TCF7L1: variants seen among roughly 807,000 people sequenced by gnomAD.
TCF7L1 encodes transcription factor 7-like 1.
TCF7L1 carries 18 observed loss-of-function variants against 63.7 expected under a neutral mutation model. The observed-to-expected ratio is 0.28, with a 90% CI of 0.20 to 0.42. The LOEUF (loss-of-function observed/expected upper bound fraction) is 0.42, where lower values mean the gene tolerates loss of function less well. Among genes scored for constraint, TCF7L1 ranks in the 10% least tolerant of loss-of-function variants. The pLI is 1.00. For synonymous variants in TCF7L1, 355 were observed against 340.9 expected (o/e 1.04, Z -0.46); for missense variants, 654 against 779.3 (o/e 0.84, Z 1.91).
intron 3 of TCF7L1, among the ~76,000 whole-genome samples, chr2:85,275,529 G>T (rs1208965177): frequency 6.6e-6 from 1 of 152,156 alleles, no homozygotes; most frequent in African/African-American, 2.4e-5. Context: ...AAATGCTTTT[G>T]GAGCCCCTCT....
chr2:85,211,032 T>C (rs1679529043), intron 3 of TCF7L1, among the ~76,000 whole-genome samples: 1 of 152,206 alleles, frequency 6.6e-6, no homozygotes, highest in African/African-American at 2.4e-5. Flanking sequence ...ACTCATAAAA[T>C]AGGCCACACA....
chr2:85,175,213 C>T (rs368506409), intron 3 of TCF7L1, among the ~76,000 whole-genome samples: 80 of 152,296 alleles, frequency 5.3e-4, no homozygotes, highest in African/African-American at 1.9e-3. Context: ...TTGTACAATG[C>T]TCTTTGGACA....
intron 3 of TCF7L1, among the ~76,000 whole-genome samples, chr2:85,231,649 A>G (rs1336791543): frequency 6.6e-6 from 1 of 152,152 alleles, no homozygotes; most frequent in Non-Finnish European, 1.5e-5. Flanking sequence ...CCACTGAAGC[A>G]GCTTCGTTTT....
intron 3 of TCF7L1, among the ~76,000 whole-genome samples, chr2:85,252,103 T>G (rs768414008): frequency 6.6e-6 from 1 of 152,118 alleles, no homozygotes; most frequent in Non-Finnish European, 1.5e-5. Context: ...CTCCAGATGC[T>G]TCTCTGCTGC....
rs1218753960 is a variant in TCF7L1, at chr2:85,193,348, G to A, written c.441+58898G>A. Among the ~76,000 whole-genome samples the A allele has an allele frequency of 2.0e-5, 3 of 152,074 alleles. 1 individual carries two copies. The East Asian group carries it at 5.8e-4, about 29-fold the overall frequency. ...AACTAAGTGATATTTAGTCTGGGTG[G>A]GATACTGATCATGCATTTTTCTTTC... On this transcript the variant is annotated intron_variant, in intron 3 of 11. Coordinates refer to ENST00000282111, the MANE Select transcript of TCF7L1 (RefSeq NM_031283.3).
At chr2:85,140,154 G>T (rs1481721370) in intron 3 of TCF7L1, among the ~76,000 whole-genome samples, 1 of 152,122 alleles carries the variant, frequency 6.6e-6, no homozygotes, top group Admixed American at 6.6e-5. Flanking sequence ...CCAAGCTCAG[G>T]CACCTGGAGA....
At chr2:85,285,199 C>T (rs1681517319) in intron 4 of TCF7L1, among the ~76,000 whole-genome samples, 1 of 151,990 alleles carries the variant, frequency 6.6e-6, no homozygotes, top group Non-Finnish European at 1.5e-5. Context: ...CGCCACTGCA[C>T]TCCAGCCTGG....
chr2:85,270,269 G>A (rs113108695), intron 3 of TCF7L1, among the ~76,000 whole-genome samples: 6 of 152,200 alleles, frequency 3.9e-5, no homozygotes, highest in East Asian at 1.9e-4. Context: ...GGGAAAGTCC[G>A]TAAACTTTAG....
At chr2:85,303,692 G>T (rs1240945670) in intron 5 of TCF7L1, 2 of 457,708 alleles carry the variant, frequency 4.4e-6, no homozygotes, top group African/African-American at 2.0e-5. Flanking sequence ...GAGAGGGGGT[G>T]CATTAGTCCT....
chr2:85,304,236 G>A lies in TCF7L1; in HGVS notation c.762-19G>A. ...CTGAGCTTTCCCAATATGCTGACCA[G>A]ATTTCCTCCCCCTCACAGGCAAGGC... On this transcript the variant is annotated intron_variant, in intron 6 of 11. Coordinates refer to ENST00000282111, the MANE Select transcript of TCF7L1 (RefSeq NM_031283.3). 6.2e-7 allele frequency: 1 copy of A among 1,609,166 alleles called. No homozygotes were observed. The highest frequency in any genetic ancestry group is 8.5e-7 in the Non-Finnish European group (1 of 1,176,704).
intron 4 of TCF7L1, among the ~76,000 whole-genome samples, chr2:85,284,025 T>C (rs1681484352): frequency 6.6e-6 from 1 of 152,208 alleles, no homozygotes; most frequent in Admixed American, 6.5e-5. Context: ...TTTGTTTGTT[T>C]TTTGAGACGG....
At chr2:85,189,459 G>A (rs190969903) in intron 3 of TCF7L1, among the ~76,000 whole-genome samples, 66 of 152,326 alleles carry the variant, frequency 4.3e-4, no homozygotes, top group African/African-American at 1.5e-3. Flanking sequence ...TAAAGAAAAG[G>A]GCATTCTGTT....
intron 3 of TCF7L1, among the ~76,000 whole-genome samples, chr2:85,259,997 C>T (rs948645867): frequency 6.6e-5 from 10 of 152,142 alleles, no homozygotes; most frequent in Non-Finnish European, 1.5e-4. Context: ...CCAGCAGCCT[C>T]CCCCACAACT....
Position 85,134,257 on chromosome 2 carries a change from G to GC in TCF7L1, c.314-61dup. 2 of 1,492,776 alleles carry GC rather than the reference G, an allele frequency of 1.3e-6. No individual in the cohort carries two copies. The highest frequency in any genetic ancestry group is 1.8e-6 in the Non-Finnish European group (2 of 1,120,298). 92.5% of individuals were successfully genotyped at this position (1,492,776 alleles called of 1,614,324 possible). ...CTGGGGTCCCCAGCTCCCGCCTCGA[G>GC]CCCCCTGCCGCGGCGCTGTCAGTCC... is the stretch of plus-strand genomic sequence containing the variant. On this transcript the variant is annotated intron_variant, in intron 2 of 11. Coordinates refer to ENST00000282111, the MANE Select transcript of TCF7L1 (RefSeq NM_031283.3). This position sits in a 1 kb window ranked among gnomAD's most constrained non-coding sequence, Gnocchi z 5.0.
At chr2:85,224,884 G>T (rs1679923522) in intron 3 of TCF7L1, among the ~76,000 whole-genome samples, 1 of 152,136 alleles carries the variant, frequency 6.6e-6, no homozygotes, top group Non-Finnish European at 1.5e-5. Context: ...TATTGCCTAG[G>T]TTTTCTTCTA....
At chr2:85,215,614 G>A (rs1679682260) in intron 3 of TCF7L1, among the ~76,000 whole-genome samples, 1 of 152,206 alleles carries the variant, frequency 6.6e-6, no homozygotes, top group Non-Finnish European at 1.5e-5. Context: ...GCTGGGAATG[G>A]CCGGGGGTGG....
intron 3 of TCF7L1, among the ~76,000 whole-genome samples, chr2:85,216,583 T>C (rs185308706): frequency 3.2e-4 from 49 of 152,290 alleles, no homozygotes; most frequent in African/African-American, 1.0e-3. Flanking sequence ...ATGCTTCCTT[T>C]TGCTTCTAGA....
intron 3 of TCF7L1, among the ~76,000 whole-genome samples, chr2:85,215,336 C>A (rs1223288213): frequency 6.6e-6 from 1 of 152,216 alleles, no homozygotes; most frequent in African/African-American, 2.4e-5. Flanking sequence ...ACCACTATCA[C>A]GAAATTGTGC....
At chr2:85,242,075 G>A (rs1680347372) in intron 3 of TCF7L1, among the ~76,000 whole-genome samples, 1 of 152,020 alleles carries the variant, frequency 6.6e-6, no homozygotes, top group African/African-American at 2.4e-5. Flanking sequence ...ACATCTGTAA[G>A]TCTAAGGGAC....
Sources: allele counts gnomAD v4.1 joint callset (sites outside exome capture counted in the v4.1 genomes callset), GRCh38; gene constraint gnomAD v4.1.1; non-coding constraint Gnocchi (gnomAD v3.1); transcripts MANE v1.5; gene names NCBI Gene and HGNC (gene_info 2026-07-23, HGNC 2026-07-21).